Variants in SLC22A23 observed in about 807,000 individuals in gnomAD.
The protein encoded by SLC22A23 is solute carrier family 22 member 23, also known as ion transporter protein.
SLC22A23 carries 26 observed loss-of-function variants against 61.0 expected under a neutral mutation model. The ratio of observed to expected loss-of-function variants is 0.43; its 90% CI spans 0.31 to 0.59. SLC22A23 has a LOEUF of 0.59. Ranked by LOEUF, SLC22A23 falls within the 20% of genes least tolerant of loss-of-function variation. The pLI is 0.11. For missense variants in SLC22A23, 796 were observed against 934.7 expected (o/e 0.85, Z 1.94); for synonymous variants, 430 against 413.9 (o/e 1.04, Z -0.47).
chr6:3,326,710 A>G (rs1359151296), intron 3 of SLC22A23, among the ~76,000 whole-genome samples: 1 of 152,260 alleles, frequency 6.6e-6, no homozygotes, highest in Non-Finnish European at 1.5e-5. Context: ...GTAAGGACAC[A>G]GGTATGGCCA....
At chr6:3,321,833 G>C (rs1474252595) in intron 4 of SLC22A23, among the ~76,000 whole-genome samples, 2 of 152,344 alleles carry the variant, frequency 1.3e-5, no homozygotes, top group East Asian at 3.9e-4. Flanking sequence ...AGCAGCAGAG[G>C]AAGTGGCAGA....
chr6:3,394,578 T>C (rs753166134), intron 3 of SLC22A23, among the ~76,000 whole-genome samples: 9 of 152,208 alleles, frequency 5.9e-5, no homozygotes, highest in Non-Finnish European at 8.8e-5. Context: ...CTGCACAAAC[T>C]ATGGTTGCTT....
chr6:3,321,596 CA>C (rs1336278606), intron 4 of SLC22A23, among the ~76,000 whole-genome samples: 1 of 151,886 alleles, frequency 6.6e-6, no homozygotes, highest in Admixed American at 6.6e-5. Flanking sequence ...AAAAACAAAA[CA>C]AAAACCCGGC....
chr6:3,446,345 G>T (rs1308880543), intron 1 of SLC22A23, among the ~76,000 whole-genome samples: 1 of 152,180 alleles, frequency 6.6e-6, no homozygotes, highest in Non-Finnish European at 1.5e-5. Flanking sequence ...TGAAGGCTTG[G>T]ACTAGATAAT....
chr6:3,274,639 C>T (rs1758730202), intron 9 of SLC22A23, among the ~76,000 whole-genome samples: 1 of 152,148 alleles, frequency 6.6e-6, no homozygotes, highest in Admixed American at 6.5e-5. Context: ...TCCTAACTCA[C>T]CAAAAGACTG....
chr6:3,403,627 A>G (rs1768588998), intron 3 of SLC22A23, among the ~76,000 whole-genome samples: 1 of 152,186 alleles, frequency 6.6e-6, no homozygotes, highest in Non-Finnish European at 1.5e-5. Context: ...ACTAGGTACT[A>G]GTGTGGACTT....
intron 3 of SLC22A23, among the ~76,000 whole-genome samples, chr6:3,370,834 T>C (rs1766172207): frequency 6.6e-6 from 1 of 152,250 alleles, no homozygotes; most frequent in Non-Finnish European, 1.5e-5. Context: ...GCAGGGACTA[T>C]TAAGTGTTCA....
chr6:3,455,995 G>C lies in SLC22A23; in HGVS notation c.565C>G (p.Pro189Ala). ...TTGGAGGCGTTGTCCCCCTTGTCCG[G>C]AGGGGATGGCAGGGGTGGTGTGTCG... ...GGDTPPLPSP[P>A]DKGDNASNCD... Residue 189 changes from proline (P) to alanine (A), a missense_variant, in exon 1 of 10, where the codon CCG becomes GCG. Physicochemically the swap from Pro to Ala is conservative, Grantham distance 27. Transcript: ENST00000406686. 6.5e-7 allele frequency: 1 copy of C among 1,547,488 alleles called. No individual in the cohort carries two copies. The highest frequency in any genetic ancestry group is 8.7e-7 in the Non-Finnish European group (1 of 1,146,760).
Position 3,303,865 on chromosome 6 carries a change from G to A in SLC22A23, c.1083-5647C>T, listed in dbSNP as rs567639538. 2.6e-5 allele frequency among the ~76,000 whole-genome samples: 4 copies of A among 152,302 alleles called. 1 individual carries two copies. The South Asian group carries it at 8.3e-4, about 32-fold the overall frequency. On this transcript the variant is annotated intron_variant, in intron 4 of 9. Transcript: ENST00000406686. ...TTCCCAACACAAAGAAATGATAAAC[G>A]TTTGAGAGAATGGATATGCTGCATG...
At chr6:3,376,487 GCCT>G (rs1766576930) in intron 3 of SLC22A23, among the ~76,000 whole-genome samples, 1 of 151,886 alleles carries the variant, frequency 6.6e-6, no homozygotes, top group Non-Finnish European at 1.5e-5. Context: ...CCCAGAATGT[GCCT>G]TCTTGTCCTT....
intron 1 of SLC22A23, among the ~76,000 whole-genome samples, chr6:3,433,099 G>A (rs982267802): frequency 1.1e-4 from 17 of 152,282 alleles, no homozygotes; most frequent in African/African-American, 4.1e-4. Context: ...CAAAAAGGGA[G>A]GATAAATAGG....
intron 1 of SLC22A23, among the ~76,000 whole-genome samples, chr6:3,440,393 C>T (rs955077034): frequency 7.9e-5 from 12 of 152,090 alleles, no homozygotes; most frequent in Admixed American, 4.6e-4. Flanking sequence ...TGATCCAATT[C>T]GACTGGGGTC....
Position 3,390,265 on chromosome 6 carries a change from C to T in SLC22A23, c.913+19923G>A, listed in dbSNP as rs1047350888. ...GCAGAACTGCCTGGAAATTGAAACA[C>T]TCAGCCATCTCAGGTAATTGGCCTC... On this transcript the variant is annotated intron_variant, in intron 3 of 9. Coordinates refer to ENST00000406686, the MANE Select transcript of SLC22A23 (RefSeq NM_015482.2). The surrounding 1 kb of genome is among the most constrained non-coding windows in gnomAD (Gnocchi z 4.0). Among the ~76,000 whole-genome samples the T allele has an allele frequency of 2.6e-5, 4 of 152,194 alleles. No homozygotes were observed. The highest frequency in any genetic ancestry group is 6.5e-5 in the Admixed American group (1 of 15,280).
intron 1 of SLC22A23, among the ~76,000 whole-genome samples, chr6:3,444,480 C>A (rs1323350418): frequency 2.0e-5 from 3 of 152,214 alleles, no homozygotes; most frequent in African/African-American, 7.2e-5. Flanking sequence ...ATTCCACTCT[C>A]TCTGAGCCAT....
chr6:3,378,761 G>A (rs1001263541), intron 3 of SLC22A23, among the ~76,000 whole-genome samples: 9 of 149,490 alleles, frequency 6.0e-5, no homozygotes, highest in African/African-American at 2.2e-4. Context: ...GGGTTCAAGC[G>A]ATTCTCTTGC....
chr6:3,423,966 A>G lies in SLC22A23; in HGVS notation c.655-8111T>C, dbSNP rs562462373. 4.6e-5 allele frequency among the ~76,000 whole-genome samples: 7 copies of G among 152,312 alleles called. No homozygotes were observed. In the East Asian group the frequency reaches 1.3e-3, roughly 29 times the overall value. On this transcript the variant is annotated intron_variant, in intron 1 of 9. Coordinates refer to ENST00000406686, the MANE Select transcript of SLC22A23 (RefSeq NM_015482.2). ...CTGGAGAGAACTTGGAGGGTGAAGGAAAGCCATCTTCCACTTGCTGAAAAC... is the reference window on the plus strand; with the variant it reads ...CTGGAGAGAACTTGGAGGGTGAAGGGAAGCCATCTTCCACTTGCTGAAAAC...
intron 4 of SLC22A23, among the ~76,000 whole-genome samples, chr6:3,301,430 G>A (rs900665780): frequency 8.5e-5 from 13 of 152,092 alleles, no homozygotes; most frequent in South Asian, 2.1e-4. Flanking sequence ...ATATAAATAC[G>A]GTAATATGAC....
At chr6:3,357,908 G>A (rs1053644357) in intron 3 of SLC22A23, among the ~76,000 whole-genome samples, 11 of 152,194 alleles carry the variant, frequency 7.2e-5, no homozygotes, top group African/African-American at 2.7e-4. Flanking sequence ...CTTCACCAAA[G>A]AAGCAGCATT....
intron 4 of SLC22A23, among the ~76,000 whole-genome samples, chr6:3,304,000 C>T (rs1761798376): frequency 6.6e-6 from 1 of 152,170 alleles, no homozygotes. Flanking sequence ...AAGATAAAGC[C>T]CTGCATTATG....
Sources: gnomAD v4.1 joint callset for allele counts (sites outside exome capture counted in the v4.1 genomes callset) on GRCh38, gnomAD v4.1.1 for gene constraint, Gnocchi (gnomAD v3.1) non-coding constraint, MANE v1.5 for transcripts, NCBI Gene and HGNC (gene_info 2026-07-23, HGNC 2026-07-21) for gene names.